TBCE: variants seen among roughly 807,000 people sequenced by gnomAD.
TBCE encodes tubulin folding cofactor E, also known as tubulin-specific chaperone E.
Under a neutral mutation model 77.0 loss-of-function variants are expected in TBCE, and 53 were observed. That is an observed-to-expected ratio of 0.69 (90% CI 0.55 to 0.87). The LOEUF is 0.87. Among genes scored for constraint, TBCE ranks in the 40% least tolerant of loss-of-function variants. The pLI, the probability that TBCE is intolerant of heterozygous loss-of-function variation, is 0.00. For missense variants in TBCE, 624 were observed against 622.4 expected (o/e 1.00, Z -0.03); for synonymous variants, 235 against 241.3 (o/e 0.97, Z 0.24).
intron 15 of TBCE, among the ~76,000 whole-genome samples, chr1:235,444,132 G>A (rs764448972): frequency 6.6e-6 from 1 of 152,270 alleles, no homozygotes; most frequent in Middle Eastern, 3.4e-3. Flanking sequence ...GATAAAGCAA[G>A]CTTATCATGG....
rs761268569 is a variant in TBCE at position 235,434,165 on chromosome 1, G to A, written c.661-39G>A. On this transcript the variant is annotated intron_variant, in intron 7 of 16. Transcript: ENST00000642610. ...ATGAACACCCGGGAAGAAACAGCCAGCAGAGGCCGCCTGAGCCTGAACCGA... is the reference window on the plus strand; with the variant it reads ...ATGAACACCCGGGAAGAAACAGCCAACAGAGGCCGCCTGAGCCTGAACCGA... 18 of 1,604,186 alleles carry A rather than the reference G, an allele frequency of 1.1e-5. No homozygotes were observed. The South Asian group carries it at 1.8e-4, about 16-fold the overall frequency.
rs1273515737 is a variant in TBCE, at chr1:235,451,499, A to G, written c.*2737A>G. ...AAAAAAAAAAAAAAAAAAAGACCGC[A>G]TCAGAAAACAAGCGCCATGAACAAC... On this transcript the variant is annotated 3_prime_UTR_variant, in exon 17 of 17. Coordinates refer to ENST00000642610, the MANE Select transcript of TBCE (RefSeq NM_003193.5). The G allele has an allele frequency of 1.3e-5, 2 of 151,178 alleles. No homozygotes were observed. Among genetic ancestry groups the G allele is most frequent in the Non-Finnish European group, 2.9e-5 (2 of 67,836 alleles). 9.4% of individuals were successfully genotyped at this position (151,178 alleles called of 1,614,324 possible).
intron 1 of TBCE, among the ~76,000 whole-genome samples, chr1:235,378,784 C>A (rs1301505693): frequency 6.6e-6 from 1 of 152,120 alleles, no homozygotes; most frequent in African/African-American, 2.4e-5. Flanking sequence ...TTGCTTGAAC[C>A]CAGCAGGCAG....
intron 2 of TBCE, among the ~76,000 whole-genome samples, chr1:235,385,150 A>G (rs951010416): frequency 6.6e-6 from 1 of 151,822 alleles, no homozygotes; most frequent in Non-Finnish European, 1.5e-5. Flanking sequence ...TTAATCCTGA[A>G]TTCTAGTTTG....
At chr1:235,446,288 G>A (rs1049826619) in intron 15 of TBCE, among the ~76,000 whole-genome samples, 5 of 151,932 alleles carry the variant, frequency 3.3e-5, no homozygotes, top group Non-Finnish European at 5.9e-5. Context: ...CAACTCTCCC[G>A]GCCTCAGCTT....
At chr1:235,430,405 C>T (rs1259400190) in intron 6 of TBCE, 1 of 320,722 alleles carries the variant, frequency 3.1e-6, no homozygotes, top group Admixed American at 4.7e-5. Context: ...GCTGGAAGCT[C>T]ACCTTGCAAA....
At position 235,452,329 on chromosome 1, in the gene TBCE, T is replaced by C. The variant is rs1682955891; in HGVS notation, c.*3567T>C. ...CTGATCAAATCTATGGAAACTGAGT[T>C]TTTTTGTAGGCAGGGGAACGTTGAT... On this transcript the variant is annotated 3_prime_UTR_variant, in exon 17 of 17. Coordinates refer to ENST00000642610, the MANE Select transcript of TBCE (RefSeq NM_003193.5). 6.6e-6 allele frequency: 1 copy of C among 152,078 alleles called. No homozygotes were observed. Among genetic ancestry groups the C allele is most frequent in the South Asian group, 2.1e-4 (1 of 4,826 alleles). The allele number at this position is 152,078 out of a possible 1,614,324, so 9.4% of individuals were successfully genotyped here. A position where few individuals can be genotyped will look rare whatever the true frequency, so the allele number is the denominator to read the frequency against.
intron 3 of TBCE, among the ~76,000 whole-genome samples, chr1:235,409,255 G>A (rs1679637810): frequency 6.6e-6 from 1 of 152,120 alleles, no homozygotes; most frequent in African/African-American, 2.4e-5. Flanking sequence ...GTAGGCAGAA[G>A]GAGGAAGGAA....
chr1:235,371,755 C>T (rs1351365257), intron 1 of TBCE, among the ~76,000 whole-genome samples: 1 of 152,136 alleles, frequency 6.6e-6, no homozygotes, highest in African/African-American at 2.4e-5. Context: ...TCACTACAAC[C>T]TCCACTTCCC....
chr1:235,442,014 T>A, intron 14 of TBCE, 132 bp downstream of exon 14: 1 of 779,212 alleles, frequency 1.3e-6, no homozygotes, highest in Non-Finnish European at 2.0e-6. Flanking sequence ...GAAAATTTTT[T>A]TTTTTTTTTT....
intron 5 of TBCE, among the ~76,000 whole-genome samples, chr1:235,420,290 C>T (rs1680325245): frequency 2.6e-5 from 4 of 151,806 alleles, no homozygotes; most frequent in Middle Eastern, 6.9e-3. Context: ...GAATCTGCTT[C>T]AGCCCTGGTC....
intron 1 of TBCE, among the ~76,000 whole-genome samples, chr1:235,377,769 A>G (rs1378071863): frequency 6.6e-6 from 1 of 151,402 alleles, no homozygotes; most frequent in Admixed American, 6.6e-5. Flanking sequence ...CTCCTGCCTC[A>G]GCCTCCTGAG....
intron 2 of TBCE, among the ~76,000 whole-genome samples, chr1:235,392,511 A>G (rs1384516320): frequency 6.6e-6 from 1 of 150,402 alleles, no homozygotes; most frequent in Non-Finnish European, 1.5e-5. Flanking sequence ...CCTGGATTCA[A>G]GCAATTCTCC....
intron 7 of TBCE, 142 bp downstream of exon 7, chr1:235,430,946 C>A: frequency 4.1e-6 from 3 of 727,730 alleles, no homozygotes; most frequent in South Asian, 1.6e-5. Flanking sequence ...TAACAAGATT[C>A]ATTAAAGTGC....
chr1:235,397,628 G>C (rs886466414), intron 2 of TBCE, among the ~76,000 whole-genome samples: 2 of 152,218 alleles, frequency 1.3e-5, no homozygotes, highest in African/African-American at 4.8e-5. Flanking sequence ...TGTGGCTTGA[G>C]TCCATGGAGA....
At chr1:235,435,683 C>G in intron 8 of TBCE, 62 bp from the exon 9 acceptor site, 1 of 1,478,612 alleles carries the variant, frequency 6.8e-7, no homozygotes, top group Non-Finnish European at 9.5e-7. Context: ...GATTTTAAGG[C>G]TGTATCTTTG....
intron 2 of TBCE, among the ~76,000 whole-genome samples, chr1:235,380,857 C>T (rs1677592223): frequency 6.6e-6 from 1 of 152,108 alleles, no homozygotes; most frequent in Admixed American, 6.6e-5. Flanking sequence ...GCGATGTTGG[C>T]TCACCGCAAC....
intron 15 of TBCE, among the ~76,000 whole-genome samples, chr1:235,446,410 C>A (rs1682300573): frequency 6.6e-6 from 1 of 152,044 alleles, no homozygotes; most frequent in South Asian, 2.1e-4. Context: ...CTCCTGACCT[C>A]AGATGATCCG....
Position 235,448,509 on chromosome 1 carries a change from C to A in TBCE, c.1491+69C>A. The A allele has an allele frequency of 6.7e-6, 10 of 1,495,308 alleles. No homozygotes were observed. In the South Asian group the frequency reaches 1.0e-4, roughly 15 times the overall value. 92.6% of individuals were successfully genotyped at this position (1,495,308 alleles called of 1,614,324 possible). A position where few individuals can be genotyped will look rare whatever the true frequency, so the allele number is the denominator to read the frequency against. On this transcript the variant is annotated intron_variant, in intron 16 of 16. Coordinates refer to ENST00000642610, the MANE Select transcript of TBCE (RefSeq NM_003193.5). ...CTCGTATTATGACATTAAACTGTCT[C>A]TAGATAGCAACAGTTTGATTCTAAA...
Sources: gnomAD v4.1 joint callset for allele counts (sites outside exome capture counted in the v4.1 genomes callset) on GRCh38, gnomAD v4.1.1 for gene constraint, MANE v1.5 for transcripts, NCBI Gene and HGNC (gene_info 2026-07-23, HGNC 2026-07-21) for gene names.